The following PMS1 variants were observed in gnomAD, a reference collection of about 807,000 sequenced individuals.
PMS1 encodes PMS1 homolog 1, mismatch repair system component.
PMS1 carries 79 observed loss-of-function variants against 93.1 expected under a neutral mutation model. The observed-to-expected ratio is 0.85, with a 90% CI of 0.71 to 1.02. The LOEUF (loss-of-function observed/expected upper bound fraction) is 1.02, where lower values mean the gene tolerates loss of function less well. PMS1 is among the 50% of genes least tolerant of loss of function. The pLI is 0.00. For synonymous variants in PMS1, 335 were observed against 363.4 expected, an observed-to-expected ratio of 0.92 and a Z score of 0.89; for missense variants, 1,064 against 1,085.3, an observed-to-expected ratio of 0.98 and a Z score of 0.28.
chr2:189,868,687 T>G (rs932327075), intron 11 of PMS1, among the ~76,000 whole-genome samples: 3 of 152,198 alleles, frequency 2.0e-5, no homozygotes, highest in Non-Finnish European at 4.4e-5. Flanking sequence ...AAATAGTGTT[T>G]GAAGATTTTT....
intron 9 of PMS1, among the ~76,000 whole-genome samples, chr2:189,863,293 G>C (rs140300811): frequency 3.4e-5 from 5 of 146,160 alleles, no homozygotes; most frequent in Admixed American, 1.4e-4. Flanking sequence ...TTGCTCTGTC[G>C]CCCAGGCTGG....
chr2:189,824,225 G>A (rs1305302004), intron 5 of PMS1, among the ~76,000 whole-genome samples: 2 of 151,782 alleles, frequency 1.3e-5, no homozygotes, highest in East Asian at 3.9e-4. Context: ...CTGAGTAACA[G>A]GTTTTTCAAA....
rs142568737 is a variant in PMS1, at chr2:189,834,334, G to A, written c.583-9630G>A. Among the ~76,000 whole-genome samples the A allele has an allele frequency of 1.8e-3, 281 of 152,324 alleles. 2 individuals are homozygous for A. Among genetic ancestry groups the A allele is most frequent in the African/African-American group, 6.0e-3 (249 of 41,570 alleles). On this transcript the variant is annotated intron_variant, in intron 5 of 12. Transcript: ENST00000441310. Reference sequence around the variant, plus strand: ...TGTCTAAGAAATGAGATGAGGCTACGAAGCTTGCTTGGAGCCAGATTCTGA... The same window carrying A: ...TGTCTAAGAAATGAGATGAGGCTACAAAGCTTGCTTGGAGCCAGATTCTGA...
chr2:189,805,455 C>T (rs1037429194), intron 3 of PMS1, among the ~76,000 whole-genome samples, 197 bp from the exon 4 acceptor site: 3 of 151,988 alleles, frequency 2.0e-5, no homozygotes, highest in African/African-American at 7.3e-5. Context: ...TAATTTGCAA[C>T]ATAAAAAAAA....
intron 4 of PMS1, among the ~76,000 whole-genome samples, chr2:189,810,293 A>G (rs1445785574): frequency 6.6e-6 from 1 of 152,240 alleles, no homozygotes; most frequent in Non-Finnish European, 1.5e-5. Context: ...GGGAAAAAAC[A>G]TAATTTTAAA....
At position 189,854,461 on chromosome 2, in the gene PMS1, G is replaced by A. The variant is rs2055108096; in HGVS notation, c.1189G>A (p.Asp397Asn). 1 of 1,613,028 alleles carries A rather than the reference G, an allele frequency of 6.2e-7. No homozygotes were observed. Among genetic ancestry groups the A allele is most frequent in the Non-Finnish European group, 8.5e-7 (1 of 1,179,246 alleles). Residue 397 changes from aspartate to asparagine, a missense_variant, in exon 9 of 13, where the codon GAT becomes AAT. Physicochemically the swap from Asp to Asn is conservative, Grantham distance 23 (BLOSUM62 1). Transcript: ENST00000441310. ...VIPFQNDMHN[D>N]ESGKNTDDCL... ...TCCATTCCAAAATGATATGCATAATGATGAATCTGGAAAAAACACTGATGA... is the reference window on the plus strand; with the variant it reads ...TCCATTCCAAAATGATATGCATAATAATGAATCTGGAAAAAACACTGATGA...
intron 11 of PMS1, among the ~76,000 whole-genome samples, chr2:189,872,669 G>T (rs1575400754): frequency 6.6e-6 from 1 of 152,118 alleles, no homozygotes; most frequent in East Asian, 1.9e-4. Context: ...GTCTTGCTCT[G>T]TTGCCCAGGC....
In PMS1 at chr2:189,854,416, A is replaced by T; in HGVS notation, c.1144A>T (p.Asn382Tyr). The T allele has an allele frequency of 6.2e-7, 1 of 1,606,986 alleles. No homozygotes were observed. Among genetic ancestry groups the T allele is most frequent in the Non-Finnish European group, 8.5e-7 (1 of 1,175,212 alleles). ...KVESSGKNYS[N>Y]VDTSVIPFQN... ...GGAATCATCTGGAAAGAATTATTCA[A>T]ATGTTGATACTTCAGTCATTCCATT... is the stretch of plus-strand genomic sequence containing the variant. Residue 382 changes from asparagine to tyrosine, a missense_variant, in exon 9 of 13, where the codon AAT becomes TAT. Transcript: ENST00000441310.
intron 4 of PMS1, among the ~76,000 whole-genome samples, chr2:189,809,542 A>G (rs1306155085): frequency 1.4e-5 from 2 of 144,624 alleles, no homozygotes; most frequent in Non-Finnish European, 3.0e-5. Context: ...ATTCAAACAT[A>G]TAATTCTTAT....
intron 5 of PMS1, among the ~76,000 whole-genome samples, chr2:189,833,773 G>T (rs1267338517): frequency 6.6e-6 from 1 of 152,114 alleles, no homozygotes; most frequent in East Asian, 1.9e-4. Context: ...TGGGAGACTT[G>T]TCTTGATGGA....
At chr2:189,799,334 G>A (rs2049664037) in intron 3 of PMS1, among the ~76,000 whole-genome samples, 1 of 152,006 alleles carries the variant, frequency 6.6e-6, no homozygotes, top group South Asian at 2.1e-4. Context: ...GTGTGTGTAT[G>A]CATGCACACA....
At chr2:189,802,136 A>G (rs564861960) in intron 3 of PMS1, among the ~76,000 whole-genome samples, 1 of 152,306 alleles carries the variant, frequency 6.6e-6, no homozygotes, top group African/African-American at 2.4e-5. Context: ...GTTACAGTGT[A>G]CTGAATATTA....
intron 4 of PMS1, among the ~76,000 whole-genome samples, chr2:189,814,718 G>C (rs1371657372): frequency 6.6e-6 from 1 of 152,092 alleles, no homozygotes; most frequent in African/African-American, 2.4e-5. Flanking sequence ...TTCAAGTAGT[G>C]ACATTTTCTA....
chr2:189,802,250 CT>C (rs2049956652), intron 3 of PMS1, among the ~76,000 whole-genome samples: 1 of 152,180 alleles, frequency 6.6e-6, no homozygotes, highest in Admixed American at 6.6e-5. Context: ...CTTTTGACTC[CT>C]TTAAAACTTA....
At chr2:189,807,862 C>G (rs2050484493) in intron 4 of PMS1, among the ~76,000 whole-genome samples, 1 of 152,064 alleles carries the variant, frequency 6.6e-6, no homozygotes. Flanking sequence ...AGTTGCAAAA[C>G]TACTAATTGC....
intron 4 of PMS1, among the ~76,000 whole-genome samples, chr2:189,807,521 G>A (rs957346271): frequency 2.6e-5 from 4 of 152,102 alleles, no homozygotes; most frequent in Admixed American, 6.5e-5. Context: ...TAATCTAGTC[G>A]CCTTATAAAA....
In PMS1 at chr2:189,839,366, C is replaced by G. The variant is rs566684431; in HGVS notation, c.583-4598C>G. 5.3e-5 allele frequency among the ~76,000 whole-genome samples: 8 copies of G among 152,284 alleles called. 1 individual carries two copies. The East Asian group carries it at 1.5e-3, about 29-fold the overall frequency. On this transcript the variant is annotated intron_variant, in intron 5 of 12. Transcript: ENST00000441310. ...AGTCATTCTTGCCAAAGATCTTTTT[C>G]TAATATCTATCTCTGATCATGGTAT...
chr2:189,796,067 A>G (rs1035051228), intron 3 of PMS1, 116 bp downstream of exon 3: 7 of 852,780 alleles, frequency 8.2e-6, no homozygotes, highest in Non-Finnish European at 1.4e-5. Flanking sequence ...GGTAAAATAT[A>G]CATAACATAA....
intron 6 of PMS1, among the ~76,000 whole-genome samples, chr2:189,852,146 G>C (rs2054803633): frequency 3.3e-5 from 5 of 151,974 alleles, no homozygotes. Flanking sequence ...CCCTGAGGAA[G>C]TTAATACAGA....
Sources: allele counts gnomAD v4.1 joint callset (sites outside exome capture counted in the v4.1 genomes callset), GRCh38; gene constraint gnomAD v4.1.1; transcripts MANE v1.5; gene names NCBI Gene and HGNC (gene_info 2026-07-23, HGNC 2026-07-21).